Variants in MTERF4 observed in about 807,000 individuals in gnomAD.
MTERF4 encodes the protein mitochondrial transcription termination factor 4.
In MTERF4, 17 loss-of-function variants were observed where a neutral mutation model predicts 22.5. The ratio of observed to expected loss-of-function variants is 0.75; its 90% confidence interval spans 0.52 to 1.13. The LOEUF (loss-of-function observed/expected upper bound fraction) is 1.13. Ranked by LOEUF, MTERF4 falls within the 50% of genes most tolerant of loss-of-function variation. The pLI is 0.00. For missense variants in MTERF4, 420 were observed against 466.8 expected (o/e 0.90, Z 0.92); for synonymous variants, 165 against 175.3 (o/e 0.94, Z 0.47).
At chr2:241,097,140 A>G in intron 3 of MTERF4, 103 bp downstream of exon 3, 2 of 1,383,228 alleles carry the variant, frequency 1.4e-6, no homozygotes, top group Non-Finnish European at 2.0e-6. Context: ...TGCTGTTACT[A>G]CACTAATCAC....
the MTERF4 span, chr2:241,048,629 C>A: frequency 6.4e-7 from 1 of 1,571,360 alleles, no homozygotes; most frequent in Non-Finnish European, 8.7e-7. Flanking sequence ...TCTGCGCCCC[C>A]ACATGGGAGG....
the MTERF4 span, chr2:241,065,172 A>G: frequency 9.9e-7 from 1 of 1,006,138 alleles, no homozygotes; most frequent in Non-Finnish European, 1.5e-6. Context: ...GGGACAAAGA[A>G]GGACTCTGCC....
chr2:241,086,574 G>GACAT (rs982654980), downstream of MTERF4, among the ~76,000 whole-genome samples: 1 of 152,158 alleles, frequency 6.6e-6, no homozygotes, highest in African/African-American at 2.4e-5. Flanking sequence ...TCTAACATCT[G>GACAT]ACATACAGTT....
At chr2:241,082,795 T>C (rs1316646511), downstream of MTERF4, among the ~76,000 whole-genome samples, 1 of 152,222 alleles carries the variant, frequency 6.6e-6, no homozygotes, top group African/African-American at 2.4e-5. Context: ...ATCTCCAAAA[T>C]GGGCTGTGGA....
the MTERF4 span, among the ~76,000 whole-genome samples, chr2:241,045,070 C>G: frequency 6.6e-6 from 1 of 152,142 alleles, no homozygotes; most frequent in Non-Finnish European, 1.5e-5. Flanking sequence ...TAGCTCCTCT[C>G]AAATTGAAAG....
At chr2:241,051,542 T>C in the MTERF4 span, 8 of 444,174 alleles carry the variant, frequency 1.8e-5, no homozygotes, top group Non-Finnish European at 2.4e-5. The surrounding 1 kb of genome is among the most constrained non-coding windows in gnomAD (Gnocchi z 4.7). Flanking sequence ...TGTGACTGAG[T>C]TGGGGTCTCC....
downstream of MTERF4, among the ~76,000 whole-genome samples, chr2:241,083,416 GAGC>G (rs1336044349): frequency 2.2e-4 from 34 of 152,290 alleles, no homozygotes; most frequent in African/African-American, 7.2e-4. Context: ...GAAGGGTTCT[GAGC>G]AGAAGAGTGA....
At chr2:241,059,022 G>C in the MTERF4 span, among the ~76,000 whole-genome samples, 1 of 151,974 alleles carries the variant, frequency 6.6e-6, no homozygotes, top group Non-Finnish European at 1.5e-5. Flanking sequence ...AAATTAGCAA[G>C]ATCAAAATAG....
chr2:241,056,127 CAA>C, the MTERF4 span, among the ~76,000 whole-genome samples: 3 of 151,616 alleles, frequency 2.0e-5, no homozygotes, highest in Non-Finnish European at 4.4e-5. Flanking sequence ...GGAATTTAGA[CAA>C]AGACTTTAAA....
chr2:241,082,061 C>T (rs572751184), intron 4 of MTERF4, among the ~76,000 whole-genome samples: 50 of 152,320 alleles, frequency 3.3e-4, no homozygotes, highest in Admixed American at 8.5e-4. Flanking sequence ...CCAGCCAGAG[C>T]GGTGTCAGGA....
chr2:241,071,718 C>A, downstream of MTERF4: 1 of 1,503,688 alleles, frequency 6.7e-7, no homozygotes, highest in African/African-American at 1.4e-5. Context: ...CCCAGCCCCC[C>A]AGGTACATGC....
chr2:241,100,792 T>C (rs765357392), intron 1 of MTERF4, among the ~76,000 whole-genome samples: 1 of 152,238 alleles, frequency 6.6e-6, no homozygotes, highest in Non-Finnish European at 1.5e-5. Flanking sequence ...GAGTAGGCTA[T>C]TAGTAGTTGA....
downstream of MTERF4, chr2:241,088,060 C>T (rs781640314): frequency 2.3e-4 from 106 of 457,548 alleles, no homozygotes; most frequent in Non-Finnish European, 3.5e-4. Context: ...GGCCTGTGCA[C>T]GTCACCGGCT....
chr2:241,066,227 C>T, the MTERF4 span, among the ~76,000 whole-genome samples: 122 of 152,188 alleles, frequency 8.0e-4, no homozygotes, highest in African/African-American at 2.4e-3. Context: ...AGGGGAGGCC[C>T]GGGTTGTGCA....
At chr2:241,071,889 G>A (rs920075317), downstream of MTERF4, 3 of 1,590,572 alleles carry the variant, frequency 1.9e-6, no homozygotes, top group African/African-American at 4.0e-5. Flanking sequence ...GTGAGTGCCA[G>A]GGCCTCCCCA....
At chr2:241,047,724 C>G in the MTERF4 span, among the ~76,000 whole-genome samples, 1 of 152,254 alleles carries the variant, frequency 6.6e-6, no homozygotes, top group South Asian at 2.1e-4. Context: ...TCTGGTCCTT[C>G]TTGTTCTGTC....
At chr2:241,045,713 C>CAAAA in the MTERF4 span, among the ~76,000 whole-genome samples, 1 of 133,604 alleles carries the variant, frequency 7.5e-6, no homozygotes, top group Non-Finnish European at 1.6e-5. Flanking sequence ...AAAACATAGG[C>CAAAA]AAAAAAAAAA....
chr2:241,097,476 A>G (rs1559338923), intron 2 of MTERF4, 49 bp from the exon 3 acceptor site: 1 of 1,559,136 alleles, frequency 6.4e-7, no homozygotes. Context: ...GATACTCCAG[A>G]AACTCAAGGA....
chr2:241,087,478 G>A (rs369008078), downstream of MTERF4: 3 of 1,599,014 alleles, frequency 1.9e-6, no homozygotes, highest in African/African-American at 2.7e-5. Flanking sequence ...CCAAACAGGT[G>A]CCTCTGGGGA....
Sources: allele counts gnomAD v4.1 joint callset (sites outside exome capture counted in the v4.1 genomes callset), GRCh38; gene constraint gnomAD v4.1.1; non-coding constraint Gnocchi (gnomAD v3.1); transcripts MANE v1.5; gene names NCBI Gene and HGNC (gene_info 2026-07-23, HGNC 2026-07-21).